SLC26A7: variants seen among roughly 807,000 people sequenced by gnomAD.
SLC26A7 encodes the protein solute carrier family 26 member 7.
Under a neutral mutation model 82.5 loss-of-function variants are expected in SLC26A7, and 59 were observed. The ratio of observed to expected loss-of-function variants is 0.72; its 90% CI spans 0.58 to 0.89. The LOEUF (loss-of-function observed/expected upper bound fraction) is 0.89, where lower values mean the gene tolerates loss of function less well. Among genes scored for constraint, SLC26A7 ranks in the 40% least tolerant of loss-of-function variants. The probability of loss-of-function intolerance (pLI) is 0.00; values close to 1 mark genes in which losing one functional copy is unlikely to be tolerated. For missense variants in SLC26A7, 820 were observed against 793.0 expected, an observed-to-expected ratio of 1.03 and a Z score of -0.41; for synonymous variants, 271 against 274.3, an observed-to-expected ratio of 0.99 and a Z score of 0.12.
chr8:91,256,853 G>A (rs1810817896), intron 2 of SLC26A7, among the ~76,000 whole-genome samples: 1 of 152,066 alleles, frequency 6.6e-6, no homozygotes. Context: ...ATGAAAATAT[G>A]AGCTCTGAAC....
At chr8:91,366,255 A>C (rs10113087) in intron 13 of SLC26A7, among the ~76,000 whole-genome samples, 16,728 of 152,188 alleles carry the variant, frequency 0.11, 1,108 homozygotes, top group African/African-American at 0.18. Context: ...GATTGAATGA[A>C]AGAGATACTT....
chr8:91,394,705 C>G, intron 18 of SLC26A7: 1 of 1,092,916 alleles, frequency 9.1e-7, no homozygotes, highest in Non-Finnish European at 1.1e-6. Flanking sequence ...ATTATTAAAT[C>G]TAACATATAT....
At chr8:91,288,238 T>C (rs1811761934) in intron 2 of SLC26A7, among the ~76,000 whole-genome samples, 1 of 152,228 alleles carries the variant, frequency 6.6e-6, no homozygotes, top group South Asian at 2.1e-4. Context: ...CAGAATCTAA[T>C]GCCTCCTCCA....
upstream of SLC26A7, among the ~76,000 whole-genome samples, chr8:91,247,682 A>G (rs1432341632): frequency 2.0e-5 from 3 of 152,154 alleles, no homozygotes; most frequent in Admixed American, 6.6e-5. Flanking sequence ...TGCTGGTGCT[A>G]TATGATTTAG....
chr8:91,277,385 G>A (rs749149401), intron 2 of SLC26A7, among the ~76,000 whole-genome samples: 2 of 152,082 alleles, frequency 1.3e-5, no homozygotes, highest in South Asian at 2.1e-4. Flanking sequence ...ATTTGCATAT[G>A]CTCCTTTCAA....
At chr8:91,394,826 A>G in intron 18 of SLC26A7, 1 of 841,798 alleles carries the variant, frequency 1.2e-6, no homozygotes, top group Non-Finnish European at 1.7e-6. Flanking sequence ...ATTTTTAGAA[A>G]CAAGGAAACT....
intron 15 of SLC26A7, among the ~76,000 whole-genome samples, chr8:91,383,949 A>G (rs1173208875): frequency 6.6e-6 from 1 of 152,226 alleles, no homozygotes; most frequent in Non-Finnish European, 1.5e-5. Flanking sequence ...AAGGATGAAG[A>G]AAGTAGACAT....
chr8:91,244,132 T>C lies in SLC26A7; in HGVS notation c.-33-5487T>C, dbSNP rs145179203. ...GTAGTCCTTAGGGAGGTGAATTTCC[T>C]AAATGTGTATTGGGTAAATCTCTTT... On this transcript the variant is annotated intron_variant, in intron 2 of 5. Transcript: ENST00000522862. 2.5e-3 allele frequency among the ~76,000 whole-genome samples: 374 copies of C among 152,340 alleles called. 3 individuals carry two copies. Among genetic ancestry groups the C allele is most frequent in the Admixed American group, 7.1e-3 (109 of 15,302 alleles).
At chr8:91,352,334 G>A (rs1215313276) in intron 10 of SLC26A7, among the ~76,000 whole-genome samples, 1 of 152,022 alleles carries the variant, frequency 6.6e-6, no homozygotes, top group Non-Finnish European at 1.5e-5. Context: ...TTCTTCATAA[G>A]CCTGAGGCAC....
intron 2 of SLC26A7, among the ~76,000 whole-genome samples, chr8:91,220,170 C>T (rs979198720): frequency 1.3e-5 from 2 of 151,990 alleles, no homozygotes; most frequent in South Asian, 2.1e-4. Context: ...GATGGGGCCT[C>T]AAGGTAACTT....
intron 15 of SLC26A7, among the ~76,000 whole-genome samples, chr8:91,382,024 C>T (rs1814684116): frequency 6.6e-6 from 1 of 152,036 alleles, no homozygotes; most frequent in Admixed American, 6.6e-5. Context: ...TATGTATGTG[C>T]ATACCAGACA....
At chr8:91,357,248 A>G (rs1044569074) in intron 11 of SLC26A7, 2 of 152,338 alleles carry the variant, frequency 1.3e-5, no homozygotes, top group African/African-American at 2.4e-5. Flanking sequence ...GCAAAAATCT[A>G]TACTTGATTG....
chr8:91,303,819 A>G (rs987724772), intron 4 of SLC26A7, among the ~76,000 whole-genome samples: 1 of 152,204 alleles, frequency 6.6e-6, no homozygotes, highest in African/African-American at 2.4e-5. Context: ...TATTCAACAC[A>G]TCGTACTTAC....
At chr8:91,380,919 T>C (rs1814653320) in intron 15 of SLC26A7, among the ~76,000 whole-genome samples, 1 of 152,218 alleles carries the variant, frequency 6.6e-6, no homozygotes, top group African/African-American at 2.4e-5. Context: ...TATGTATAAA[T>C]TGTGACATAT....
intron 9 of SLC26A7, among the ~76,000 whole-genome samples, chr8:91,347,211 G>A (rs761408024): frequency 6.6e-6 from 1 of 152,140 alleles, no homozygotes; most frequent in Non-Finnish European, 1.5e-5. Context: ...GAAGAGACTG[G>A]TCAGGCTGGA....
At chr8:91,390,521 A>G (rs1319885331) in intron 16 of SLC26A7, among the ~76,000 whole-genome samples, 1 of 152,028 alleles carries the variant, frequency 6.6e-6, no homozygotes, top group Admixed American at 6.6e-5. Flanking sequence ...AGGGTGGGGC[A>G]GCATCTGTTC....
chr8:91,209,826 A>G (rs1360719653), intron 1 of SLC26A7, among the ~76,000 whole-genome samples: 1 of 152,158 alleles, frequency 6.6e-6, no homozygotes, highest in African/African-American at 2.4e-5. Context: ...GAGATATGAA[A>G]GGTTTTAAAC....
intron 15 of SLC26A7, among the ~76,000 whole-genome samples, chr8:91,386,522 A>G (rs1397755691): frequency 2.6e-5 from 4 of 152,220 alleles, no homozygotes; most frequent in African/African-American, 9.6e-5. Flanking sequence ...TGTTATTTTA[A>G]GATGTATTGT....
At chr8:91,325,627 CA>C (rs1353291330) in intron 5 of SLC26A7, among the ~76,000 whole-genome samples, 1 of 152,118 alleles carries the variant, frequency 6.6e-6, no homozygotes, top group Non-Finnish European at 1.5e-5. Flanking sequence ...GCCTGAGAAG[CA>C]GCCAGGTGCC....
Sources: allele counts gnomAD v4.1 joint callset (sites outside exome capture counted in the v4.1 genomes callset), GRCh38; gene constraint gnomAD v4.1.1; transcripts MANE v1.5; gene names NCBI Gene and HGNC (gene_info 2026-07-23, HGNC 2026-07-21).